The following CAPG variants were observed in gnomAD, a reference collection of about 807,000 sequenced individuals.
CAPG encodes the protein macrophage-capping protein.
Under a neutral mutation model 44.6 loss-of-function variants are expected in CAPG, and 32 were observed. The ratio of observed to expected loss-of-function variants is 0.72; its 90% CI spans 0.54 to 0.96. CAPG has a LOEUF of 0.96. Among genes scored for constraint, CAPG ranks in the 50% least tolerant of loss-of-function variants. CAPG has a pLI of 0.00. For missense variants in CAPG, 412 were observed against 438.3 expected, an observed-to-expected ratio of 0.94 and a Z score of 0.54; for synonymous variants, 175 against 179.6, an observed-to-expected ratio of 0.97 and a Z score of 0.20.
chr2:85,394,645 C>A (rs1031056768), downstream of CAPG: 1 of 558,108 alleles, frequency 1.8e-6, no homozygotes, highest in South Asian at 2.0e-5. Flanking sequence ...GCAGCTCTGG[C>A]CCCTCCAAGG....
chr2:85,409,575 C>T (rs1687323180), intron 1 of CAPG, among the ~76,000 whole-genome samples: 1 of 152,004 alleles, frequency 6.6e-6, no homozygotes, highest in Non-Finnish European at 1.5e-5. Context: ...GAAACAGCAC[C>T]TCCACTTCTC....
intron 6 of CAPG, 86 bp downstream of exon 6, chr2:85,399,050 G>T: frequency 6.8e-7 from 1 of 1,469,978 alleles, no homozygotes; most frequent in Non-Finnish European, 9.4e-7. Flanking sequence ...CCCTCCACCG[G>T]CCACTCTCAG....
intron 1 of CAPG, among the ~76,000 whole-genome samples, chr2:85,403,959 C>G (rs1573184190): frequency 6.8e-6 from 1 of 146,392 alleles, no homozygotes; most frequent in African/African-American, 2.5e-5. Context: ...AAAAATAAAC[C>G]ATGATGACCA....
chr2:85,398,775 C>A lies in CAPG; in HGVS notation c.674G>T (p.Gly225Val). 6.2e-7 allele frequency: 1 copy of A among 1,602,626 alleles called. No homozygotes were observed. The highest frequency in any genetic ancestry group is 1.1e-5 in the South Asian group (1 of 88,902). Residue 225 changes from glycine (G) to valine (V), a missense_variant, in exon 7 of 10, where the codon GGC becomes GTC. Gly to Val is a moderately radical substitution (Grantham distance 109). Coordinates refer to ENST00000263867, the MANE Select transcript of CAPG (RefSeq NM_001747.4). ...GCCCTCCTTCAGAGCAGGCTTGGGG[C>A]CCAGGACCTGCAGGGGCCAGGGCAG... ...EEPAEMIQVLGPKPALKEGNP... is the reference protein window; with the variant it reads ...EEPAEMIQVLVPKPALKEGNP...
chr2:85,405,970 G>A (rs1687127826), intron 1 of CAPG, among the ~76,000 whole-genome samples: 1 of 152,182 alleles, frequency 6.6e-6, no homozygotes, highest in Admixed American at 6.5e-5. Context: ...AAATCAGGCA[G>A]CCTACATGCC....
In CAPG at chr2:85,395,616, C is replaced by T. The variant is rs1328798624; in HGVS notation, c.903G>A (p.Ala301=). 7.4e-6 allele frequency: 12 copies of T among 1,613,298 alleles called. No homozygotes were observed. Among genetic ancestry groups the T allele is most frequent in the African/African-American group, 2.7e-5 (2 of 74,920 alleles). Residue 301 remains alanine, a synonymous_variant, in exon 9 of 10, where the codon GCG becomes GCA. Coordinates refer to ENST00000263867, the MANE Select transcript of CAPG (RefSeq NM_001747.4). This position sits in a 1 kb window ranked among gnomAD's most constrained non-coding sequence, Gnocchi z 4.3. ...GKIYIWKGRK[A]NEKERQAALQ... is the part of the protein sequence containing the mutation. Reference sequence around the variant, plus strand: ...GGGCTGCCTGCCGCTCCTTCTCATTCGCTTTTCGCCCTAGATCATAGGAAG... The same window carrying T: ...GGGCTGCCTGCCGCTCCTTCTCATTTGCTTTTCGCCCTAGATCATAGGAAG...
chr2:85,392,963 G>C (rs927892273), downstream of CAPG, among the ~76,000 whole-genome samples: 4 of 152,156 alleles, frequency 2.6e-5, no homozygotes, highest in African/African-American at 9.7e-5. Context: ...ATGTAGTCTG[G>C]CAATTTTAAA....
At chr2:85,392,677 T>C (rs1686430282), downstream of CAPG, among the ~76,000 whole-genome samples, 1 of 152,218 alleles carries the variant, frequency 6.6e-6, no homozygotes, top group Non-Finnish European at 1.5e-5. Flanking sequence ...ATAGTTTGCC[T>C]TGTGTTGTCT....
At chr2:85,394,490 T>C (rs903202445), downstream of CAPG, among the ~76,000 whole-genome samples, 3 of 152,350 alleles carry the variant, frequency 2.0e-5, no homozygotes, top group East Asian at 3.9e-4. Context: ...CCCAAGCCCA[T>C]TGCCACAACC....
upstream of CAPG, among the ~76,000 whole-genome samples, chr2:85,411,303 C>G (rs1687401656): frequency 6.6e-6 from 1 of 152,252 alleles, no homozygotes; most frequent in Admixed American, 6.5e-5. Flanking sequence ...CCTGGGCCCT[C>G]TGAGAGACAG....
upstream of CAPG, among the ~76,000 whole-genome samples, chr2:85,412,309 G>A (rs181450843): frequency 3.3e-5 from 5 of 151,706 alleles, no homozygotes; most frequent in East Asian, 2.0e-4. Context: ...TCAGGAGTTC[G>A]AGACCAGCCT....
At chr2:85,417,617 G>A (rs1056125979) in intron 1 of CAPG, among the ~76,000 whole-genome samples, 3 of 151,876 alleles carry the variant, frequency 2.0e-5, no homozygotes, top group Admixed American at 6.6e-5. Flanking sequence ...CGAGTAGCTG[G>A]GATTACAGGC....
chr2:85,411,488 CTT>C (rs1687408388), upstream of CAPG, among the ~76,000 whole-genome samples: 1 of 152,256 alleles, frequency 6.6e-6, no homozygotes, highest in Admixed American at 6.5e-5. Context: ...CTCCCATTCC[CTT>C]CTGAATCCCT....
intron 7 of CAPG, 67 bp from the exon 8 acceptor site, chr2:85,398,219 G>A: frequency 5.1e-6 from 8 of 1,569,218 alleles, no homozygotes; most frequent in Non-Finnish European, 6.9e-6. Context: ...CCTGAGGAGG[G>A]GGAGGCTGGT....
At chr2:85,399,337 C>T in intron 5 of CAPG, 52 bp from the exon 6 acceptor site, 1 of 1,592,586 alleles carries the variant, frequency 6.3e-7, no homozygotes, top group Non-Finnish European at 8.6e-7. Flanking sequence ...GTGTCCTGCT[C>T]CCCAGCTCAG....
chr2:85,409,118 T>A (rs1238377502), intron 1 of CAPG, among the ~76,000 whole-genome samples: 1 of 152,174 alleles, frequency 6.6e-6, no homozygotes, highest in African/African-American at 2.4e-5. Flanking sequence ...GGAAGTGTAT[T>A]TTGCCTCTGG....
chr2:85,407,534 G>T (rs1387979468), intron 1 of CAPG, among the ~76,000 whole-genome samples: 1 of 151,824 alleles, frequency 6.6e-6, no homozygotes, highest in Non-Finnish European at 1.5e-5. Flanking sequence ...GCAACATGGT[G>T]AAATCCTGTC....
At chr2:85,405,727 G>T (rs994737861) in intron 1 of CAPG, among the ~76,000 whole-genome samples, 5 of 152,154 alleles carry the variant, frequency 3.3e-5, no homozygotes, top group Admixed American at 3.3e-4. Flanking sequence ...CACGATTCCG[G>T]AAGAGGACAT....
chr2:85,401,967 G>A lies in CAPG; in HGVS notation c.24-10C>T. ...TGGGAATGGAGAGCCACTGCGAGAA[G>A]AGAGAGGGTTGACAGCAGCCTGGAC... On this transcript the variant is annotated splice_polypyrimidine_tract_variant and intron_variant, in intron 2 of 9. Coordinates refer to ENST00000263867, the MANE Select transcript of CAPG (RefSeq NM_001747.4). 3.1e-6 allele frequency: 5 copies of A among 1,614,116 alleles called. No homozygotes were observed. The highest frequency in any genetic ancestry group is 4.2e-6 in the Non-Finnish European group (5 of 1,179,966).
Sources: gnomAD v4.1 joint callset for allele counts (sites outside exome capture counted in the v4.1 genomes callset) on GRCh38, gnomAD v4.1.1 for gene constraint, Gnocchi (gnomAD v3.1) non-coding constraint, MANE v1.5 for transcripts, NCBI Gene and HGNC (gene_info 2026-07-23, HGNC 2026-07-21) for gene names.